Variants in RIC3 observed in about 807,000 individuals in gnomAD.
RIC3 encodes the protein RIC3 acetylcholine receptor chaperone, also known as protein RIC-3.
RIC3 carries 28 observed loss-of-function variants against 27.3 expected under a neutral mutation model. The observed-to-expected ratio is 1.02, with a 90% CI of 0.76 to 1.41. The LOEUF (loss-of-function observed/expected upper bound fraction) is 1.41, where lower values mean the gene tolerates loss of function less well. Among genes scored for constraint, RIC3 ranks in the 40% most tolerant of loss-of-function variants. The pLI is 0.00. For synonymous variants in RIC3, 184 were observed against 160.4 expected, an observed-to-expected ratio of 1.15 and a Z score of -1.11; for missense variants, 501 against 444.7, an observed-to-expected ratio of 1.13 and a Z score of -1.14.
chr11:8,093,376 T>C, the RIC3 span, among the ~76,000 whole-genome samples: 1 of 151,808 alleles, frequency 6.6e-6, no homozygotes, highest in South Asian at 2.1e-4. Flanking sequence ...GGGGAGTATG[T>C]GTTTATTTTA....
At chr11:8,167,165 G>T (rs1178509157) in intron 1 of RIC3, among the ~76,000 whole-genome samples, 1 of 152,024 alleles carries the variant, frequency 6.6e-6, no homozygotes, top group East Asian at 1.9e-4. Flanking sequence ...TTTATTGACT[G>T]CCCATTATAT....
chr11:8,125,643 C>T (rs1472138399), intron 5 of RIC3, among the ~76,000 whole-genome samples: 1 of 152,156 alleles, frequency 6.6e-6, no homozygotes, highest in African/African-American at 2.4e-5. Context: ...CAAAGTGTTA[C>T]CAAGGATGTG....
At chr11:8,094,628 T>C in the RIC3 span, among the ~76,000 whole-genome samples, 1 of 152,270 alleles carries the variant, frequency 6.6e-6, no homozygotes, top group South Asian at 2.1e-4. Flanking sequence ...TTCCCTTGAC[T>C]CCATATTCTA....
intron 4 of RIC3, among the ~76,000 whole-genome samples, chr11:8,131,579 A>G (rs928567439): frequency 6.6e-6 from 1 of 152,150 alleles, no homozygotes; most frequent in Non-Finnish European, 1.5e-5. Context: ...TTCCTCTTCT[A>G]CCACAAAAAC....
the RIC3 span, chr11:8,099,027 CAG>C: frequency 3.0e-6 from 2 of 662,698 alleles, no homozygotes; most frequent in African/African-American, 3.6e-5. Flanking sequence ...TGGCCTAGGA[CAG>C]GGGCTCTGGC....
intron 1 of RIC3, among the ~76,000 whole-genome samples, chr11:8,150,434 G>C (rs1950112192): frequency 6.6e-6 from 1 of 152,166 alleles, no homozygotes; most frequent in African/African-American, 2.4e-5. Flanking sequence ...AAGAAACTTG[G>C]AAGGCTTACT....
At chr11:8,153,836 A>G (rs1950448095) in intron 1 of RIC3, among the ~76,000 whole-genome samples, 1 of 152,126 alleles carries the variant, frequency 6.6e-6, no homozygotes, top group Non-Finnish European at 1.5e-5. Context: ...CTCCTCTTGT[A>G]TTTCCTTTCT....
chr11:8,167,926 A>G (rs1197136153), intron 1 of RIC3, among the ~76,000 whole-genome samples: 1 of 152,222 alleles, frequency 6.6e-6, no homozygotes, highest in Non-Finnish European at 1.5e-5. Context: ...TTGCATTTAT[A>G]GTGTGTATGA....
downstream of RIC3, chr11:8,101,724 T>A (rs892693580): frequency 2.7e-6 from 4 of 1,471,152 alleles, no homozygotes; most frequent in Admixed American, 4.6e-5. Context: ...TTCCGCCAGA[T>A]GAAGCTTTGG....
intron 1 of RIC3, among the ~76,000 whole-genome samples, chr11:8,162,480 T>C (rs1951259952): frequency 6.6e-6 from 1 of 152,110 alleles, no homozygotes; most frequent in African/African-American, 2.4e-5. Context: ...CTCTTCTCCT[T>C]ACACACTCAA....
At chr11:8,146,980 T>G (rs1949750498) in intron 1 of RIC3, among the ~76,000 whole-genome samples, 1 of 152,166 alleles carries the variant, frequency 6.6e-6, no homozygotes, top group South Asian at 2.1e-4. Context: ...CCCTTCAAGG[T>G]GGGGAATTGG....
intron 1 of RIC3, chr11:8,153,508 G>T: frequency 2.4e-6 from 1 of 417,666 alleles, no homozygotes; most frequent in South Asian, 1.8e-5. Flanking sequence ...AAATTTTCCT[G>T]CCTTAATCTC....
At chr11:8,153,676 A>G (rs542446195) in intron 1 of RIC3, among the ~76,000 whole-genome samples, 1 of 152,208 alleles carries the variant, frequency 6.6e-6, no homozygotes, top group East Asian at 1.9e-4. Context: ...CAAGGAATAC[A>G]CTGTAATTTC....
chr11:8,156,453 A>G (rs1950659558), intron 1 of RIC3, among the ~76,000 whole-genome samples: 2 of 152,332 alleles, frequency 1.3e-5, no homozygotes, highest in South Asian at 4.1e-4. Flanking sequence ...ATTAAATAAT[A>G]TCATATATAC....
intron 5 of RIC3, among the ~76,000 whole-genome samples, chr11:8,117,792 A>C (rs888123301): frequency 6.6e-5 from 10 of 152,256 alleles, no homozygotes; most frequent in African/African-American, 2.2e-4. Flanking sequence ...CAAAACATCA[A>C]TATATATAAT....
intron 5 of RIC3, among the ~76,000 whole-genome samples, chr11:8,112,667 T>G (rs1034280454): frequency 3.3e-5 from 5 of 152,214 alleles, no homozygotes; most frequent in Non-Finnish European, 7.3e-5. Context: ...TATCCTGATG[T>G]TTTTCAATTC....
the RIC3 span, chr11:8,100,928 GT>G: frequency 6.2e-7 from 1 of 1,614,154 alleles, no homozygotes. Context: ...ACAGTCCTAT[GT>G]ACTCAACTTC....
intron 2 of RIC3, chr11:8,138,766 C>A (rs1948700672): frequency 4.2e-6 from 1 of 235,874 alleles, no homozygotes; most frequent in South Asian, 6.3e-5. Context: ...AGCATGAGGT[C>A]ATAGCCTGTT....
intron 4 of RIC3, among the ~76,000 whole-genome samples, chr11:8,129,993 C>T (rs538247501): frequency 2.4e-4 from 37 of 152,328 alleles, no homozygotes; most frequent in African/African-American, 7.0e-4. Context: ...ATGTACTTTC[C>T]CTTCTTTTGT....
Sources: allele counts gnomAD v4.1 joint callset (sites outside exome capture counted in the v4.1 genomes callset), GRCh38; gene constraint gnomAD v4.1.1; transcripts MANE v1.5; gene names NCBI Gene and HGNC (gene_info 2026-07-23, HGNC 2026-07-21).